The following MAPK8 variants were observed in gnomAD, a reference collection of about 807,000 sequenced individuals.
MAPK8 encodes mitogen-activated protein kinase 8, also known as JUN N-terminal kinase.
A neutral mutation model predicts 52.9 loss-of-function variants in MAPK8; 13 were observed. The ratio of observed to expected loss-of-function variants is 0.25; its 90% CI spans 0.16 to 0.39. MAPK8 has a LOEUF of 0.39. Among genes scored for constraint, MAPK8 ranks in the 10% least tolerant of loss-of-function variants. The pLI, the probability that MAPK8 is intolerant of heterozygous loss-of-function variation, is 1.00. For missense variants in MAPK8, 300 were observed against 519.2 expected (o/e 0.58, Z 4.10); for synonymous variants, 191 against 169.8 (o/e 1.12, Z -0.97).
At chr10:48,342,481 TTGAA>T (rs1363645538) in intron 1 of MAPK8, among the ~76,000 whole-genome samples, 3 of 152,322 alleles carry the variant, frequency 2.0e-5, no homozygotes, top group African/African-American at 4.8e-5. Flanking sequence ...GTAGAAGTCA[TTGAA>T]TGAGGAATCA....
At chr10:48,415,324 C>G (rs1247953068) in intron 5 of MAPK8, among the ~76,000 whole-genome samples, 1 of 151,908 alleles carries the variant, frequency 6.6e-6, no homozygotes, top group East Asian at 1.9e-4. Flanking sequence ...TAAAGCACAC[C>G]CCTCCAAATA....
At chr10:48,331,137 T>G (rs1056445849) in intron 1 of MAPK8, among the ~76,000 whole-genome samples, 1 of 152,168 alleles carries the variant, frequency 6.6e-6, no homozygotes, top group Non-Finnish European at 1.5e-5. Flanking sequence ...CCATACATCA[T>G]CCCAGCTGGG....
At chr10:48,429,154 G>C (rs1224623212) in intron 10 of MAPK8, among the ~76,000 whole-genome samples, 1 of 151,944 alleles carries the variant, frequency 6.6e-6, no homozygotes. Flanking sequence ...GTAGAGATGG[G>C]GTCTCACTGT....
At chr10:48,398,535 G>T (rs2042003234) in intron 1 of MAPK8, among the ~76,000 whole-genome samples, 1 of 152,148 alleles carries the variant, frequency 6.6e-6, no homozygotes, top group Admixed American at 6.5e-5. Context: ...AAGACAGTTT[G>T]ACAATTTCTT....
intron 1 of MAPK8, among the ~76,000 whole-genome samples, chr10:48,327,026 A>C (rs770731231): frequency 5.9e-5 from 9 of 152,110 alleles, no homozygotes; most frequent in East Asian, 1.9e-4. Flanking sequence ...AAACAGTTTT[A>C]TTTCTTTTCC....
intron 1 of MAPK8, among the ~76,000 whole-genome samples, chr10:48,347,131 C>T (rs1422659894): frequency 1.3e-5 from 2 of 152,146 alleles, no homozygotes; most frequent in African/African-American, 4.8e-5. Flanking sequence ...CCCACCGACC[C>T]TGTGGGGCTG....
Position 48,435,104 on chromosome 10 carries a change from A to C in MAPK8, c.*75A>C. The C allele has an allele frequency of 8.8e-7, 1 of 1,130,780 alleles. No individual in the cohort carries two copies. The highest frequency in any genetic ancestry group is 1.2e-6 in the Non-Finnish European group (1 of 841,066). 70.0% of individuals were successfully genotyped at this position (1,130,780 alleles called of 1,614,324 possible). A position where few individuals can be genotyped will look rare whatever the true frequency, so the allele number is the denominator to read the frequency against. Reference sequence around the variant, plus strand: ...GATAGAACTACTTTGAAAACAATTCAGTGGTCTTATTTTTGGGTGATTTTT... The same window carrying C: ...GATAGAACTACTTTGAAAACAATTCCGTGGTCTTATTTTTGGGTGATTTTT... On this transcript the variant is annotated 3_prime_UTR_variant, in exon 12 of 12. Coordinates refer to ENST00000374189, the MANE Select transcript of MAPK8 (RefSeq NM_001323329.2).
At chr10:48,350,226 C>A (rs1168862916) in intron 1 of MAPK8, among the ~76,000 whole-genome samples, 3 of 152,152 alleles carry the variant, frequency 2.0e-5, no homozygotes, top group Admixed American at 2.0e-4. Context: ...TGAAACTACT[C>A]CAAACAATAG....
At chr10:48,373,336 C>CA (rs2040439842) in intron 1 of MAPK8, among the ~76,000 whole-genome samples, 4 of 151,754 alleles carry the variant, frequency 2.6e-5, no homozygotes, top group Non-Finnish European at 5.9e-5. Flanking sequence ...AACTAATGGG[C>CA]AAAATAACCA....
chr10:48,358,956 GA>G (rs1847266099), intron 1 of MAPK8, among the ~76,000 whole-genome samples: 3 of 152,126 alleles, frequency 2.0e-5, no homozygotes, highest in Admixed American at 2.0e-4. Flanking sequence ...CTATTCCATT[GA>G]TCTGCATGTC....
chr10:48,414,846 T>G (rs914442294), intron 5 of MAPK8, among the ~76,000 whole-genome samples: 1 of 152,148 alleles, frequency 6.6e-6, no homozygotes, highest in African/African-American at 2.4e-5. Flanking sequence ...CCTCCCAAAG[T>G]GCTGGGATCA....
At chr10:48,319,903 G>A (rs570412638) in intron 1 of MAPK8, among the ~76,000 whole-genome samples, 1 of 151,418 alleles carries the variant, frequency 6.6e-6, no homozygotes, top group South Asian at 2.1e-4. Flanking sequence ...TCAGTACTTC[G>A]TTTCTGTTTT....
At chr10:48,362,847 TCTC>T (rs1388200166) in intron 1 of MAPK8, among the ~76,000 whole-genome samples, 1 of 151,218 alleles carries the variant, frequency 6.6e-6, no homozygotes, top group Admixed American at 6.6e-5. Flanking sequence ...TTCAAACAAT[TCTC>T]CTGCCTCAGC....
intron 5 of MAPK8, among the ~76,000 whole-genome samples, chr10:48,418,237 G>A (rs57796922): frequency 2.6e-5 from 4 of 152,124 alleles, no homozygotes; most frequent in Non-Finnish European, 2.9e-5. Flanking sequence ...TCCAGCCTTC[G>A]ATGTGAGTTT....
chr10:48,404,711 C>A, intron 2 of MAPK8, 141 bp from the exon 3 acceptor site: 1 of 594,084 alleles, frequency 1.7e-6, no homozygotes, highest in Non-Finnish European at 2.9e-6. Flanking sequence ...ATAGAAGACA[C>A]ATGTTGAGCG....
chr10:48,417,269 C>G (rs542329491), intron 5 of MAPK8, among the ~76,000 whole-genome samples: 3 of 152,232 alleles, frequency 2.0e-5, no homozygotes, highest in African/African-American at 7.2e-5. Flanking sequence ...GATTGTAGTT[C>G]CTTTCATAGT....
chr10:48,425,836 T>TTGTAAATG lies in MAPK8; in HGVS notation c.689-52_689-51insTGTAAATG, dbSNP rs367743943. ...TATTTTCTTGTAATATGAATATGAC[T>TTGTAAATG]AATGTATTGAACATTAGTTATGGAG... On this transcript the variant is annotated intron_variant, in intron 7 of 11. Coordinates refer to ENST00000374189, the MANE Select transcript of MAPK8 (RefSeq NM_001323329.2). The TTGTAAATG allele has an allele frequency of 0.52, 522,186 of 1,001,152 alleles. 139,672 individuals carry two copies. The highest frequency in any genetic ancestry group is 0.65 in the East Asian group (26,018 of 40,168). The allele number at this position is 1,001,152 out of a possible 1,614,324, so 62.0% of individuals were successfully genotyped here.
intron 6 of MAPK8, among the ~76,000 whole-genome samples, chr10:48,422,005 TCTTATTTATTTA>T (rs1243485303): frequency 2.8e-5 from 3 of 107,988 alleles, no homozygotes; most frequent in East Asian, 3.4e-4. Context: ...ATTTTATTTA[TCTTATTTATTTA>T]TTTATTTATT....
chr10:48,418,280 T>C lies in MAPK8; in HGVS notation c.451-1875T>C, dbSNP rs924202036. Among the ~76,000 whole-genome samples the C allele has an allele frequency of 1.2e-4, 19 of 152,216 alleles. No homozygotes were observed. The East Asian group carries it at 1.5e-3, about 12-fold the overall frequency. ...GCTCAACTGCTAAGCCAGGATCTTATGTTTTTATAATAATTAACACCCCAC... is the reference window on the plus strand; with the variant it reads ...GCTCAACTGCTAAGCCAGGATCTTACGTTTTTATAATAATTAACACCCCAC... On this transcript the variant is annotated intron_variant, in intron 5 of 11. Coordinates refer to ENST00000374189, the MANE Select transcript of MAPK8 (RefSeq NM_001323329.2).
Sources: gnomAD v4.1 joint callset for allele counts (sites outside exome capture counted in the v4.1 genomes callset) on GRCh38, gnomAD v4.1.1 for gene constraint, MANE v1.5 for transcripts, NCBI Gene and HGNC (gene_info 2026-07-23, HGNC 2026-07-21) for gene names.